The following NCALD variants were observed in gnomAD, a reference collection of about 807,000 sequenced individuals.
NCALD encodes the protein neurocalcin-delta.
NCALD carries 10 observed loss-of-function variants against 18.6 expected under a neutral mutation model. The observed-to-expected ratio is 0.54, with a 90% CI of 0.33 to 0.91. The LOEUF is 0.91. NCALD is among the 40% of genes least tolerant of loss of function. The pLI is 0.03. For missense variants in NCALD, 184 were observed against 247.6 expected (o/e 0.74, Z 1.72); for synonymous variants, 88 against 87.4 (o/e 1.01, Z -0.04).
At chr8:101,693,191 C>T in intron 2 of NCALD, 1 of 304,540 alleles carries the variant, frequency 3.3e-6, no homozygotes, top group South Asian at 3.2e-5. Context: ...CATTCTGTCA[C>T]CCAGGCTGGA....
intron 4 of NCALD, among the ~76,000 whole-genome samples, chr8:101,804,580 A>AATTATATAATATATAATTAATATAATTG (rs1563786493): frequency 4.2e-5 from 5 of 119,024 alleles, no homozygotes; most frequent in African/African-American, 9.9e-5. Context: ...TAATATAATT[A>AATTATATAATATATAATTAATATAATTG]ATTATATAAT....
intron 1 of NCALD, among the ~76,000 whole-genome samples, chr8:101,738,318 T>TGGATCACCTGAGGTCAAGAGTTCG (rs1279106386): frequency 2.6e-5 from 4 of 151,776 alleles, no homozygotes; most frequent in Non-Finnish European, 5.9e-5. Context: ...CCAAGGTGGG[T>TGGATCACCTGAGGTCAAGAGTTCG]GGATCACCTG....
intron 4 of NCALD, among the ~76,000 whole-genome samples, chr8:101,822,507 G>A (rs1009859631): frequency 6.6e-6 from 1 of 152,168 alleles, no homozygotes; most frequent in Non-Finnish European, 1.5e-5. Context: ...GATCCAAGCA[G>A]TGGGAGACAT....
chr8:102,023,828 G>T (rs1459712653), intron 1 of NCALD, among the ~76,000 whole-genome samples: 1 of 148,940 alleles, frequency 6.7e-6, no homozygotes, highest in African/African-American at 2.5e-5. Flanking sequence ...TCATCGTGGT[G>T]CCTTGACCCG....
intron 2 of NCALD, among the ~76,000 whole-genome samples, chr8:102,001,998 A>C (rs1165263313): frequency 6.6e-6 from 1 of 152,220 alleles, no homozygotes; most frequent in African/African-American, 2.4e-5. Flanking sequence ...CTAACATCAT[A>C]ATGACAGGAT....
At chr8:101,984,895 ATC>A (rs1319596852) in intron 2 of NCALD, among the ~76,000 whole-genome samples, 1 of 152,010 alleles carries the variant, frequency 6.6e-6, no homozygotes, top group African/African-American at 2.4e-5. Flanking sequence ...TCAACTTCCC[ATC>A]TCTGCTGAGA....
intron 4 of NCALD, among the ~76,000 whole-genome samples, chr8:101,863,787 G>A (rs1432890575): frequency 6.6e-6 from 1 of 152,200 alleles, no homozygotes; most frequent in Non-Finnish European, 1.5e-5. Context: ...CTCTGAGGCA[G>A]TGACATTTGA....
intron 1 of NCALD, among the ~76,000 whole-genome samples, chr8:101,759,940 T>C (rs1254932144): frequency 6.6e-6 from 1 of 152,076 alleles, no homozygotes; most frequent in Non-Finnish European, 1.5e-5. Context: ...AGTAGTTCAA[T>C]TAAGGGCAGT....
chr8:101,957,007 C>A (rs776313812), intron 2 of NCALD, among the ~76,000 whole-genome samples: 1 of 152,058 alleles, frequency 6.6e-6, no homozygotes, highest in African/African-American at 2.4e-5. Flanking sequence ...TAAATGAAAA[C>A]AGGAAAGGTT....
At chr8:102,056,054 G>T (rs1251885723) in intron 1 of NCALD, among the ~76,000 whole-genome samples, 2 of 152,170 alleles carry the variant, frequency 1.3e-5, no homozygotes, top group Admixed American at 6.5e-5. Context: ...TCTTCCAGAG[G>T]TCAGCCCGCC....
chr8:101,835,997 C>T (rs949592192), intron 4 of NCALD, among the ~76,000 whole-genome samples: 1 of 151,988 alleles, frequency 6.6e-6, no homozygotes, highest in East Asian at 1.9e-4. Flanking sequence ...TACTAGATGC[C>T]AGAATCACAC....
At chr8:101,929,285 G>C (rs1412957764) in intron 2 of NCALD, among the ~76,000 whole-genome samples, 1 of 42,378 alleles carries the variant, frequency 2.4e-5, no homozygotes, top group Non-Finnish European at 4.7e-5. Context: ...GGGAGGGAGG[G>C]AGGGAGGGAG....
At chr8:101,756,422 G>T (rs1563736046) in intron 1 of NCALD, among the ~76,000 whole-genome samples, 1 of 152,188 alleles carries the variant, frequency 6.6e-6, no homozygotes, top group Non-Finnish European at 1.5e-5. Context: ...TGCAACAATG[G>T]ATAGGCAATG....
At chr8:101,745,323 T>C (rs1187738502) in intron 1 of NCALD, among the ~76,000 whole-genome samples, 1 of 152,104 alleles carries the variant, frequency 6.6e-6, no homozygotes, top group Non-Finnish European at 1.5e-5. Context: ...TGAGCAGCAG[T>C]TTTCATTATG....
chr8:101,797,211 G>A (rs563849622), intron 4 of NCALD, among the ~76,000 whole-genome samples: 1 of 152,296 alleles, frequency 6.6e-6, no homozygotes, highest in South Asian at 2.1e-4. Context: ...AATTAACTGA[G>A]ACCTGTCTCA....
chr8:102,107,602 T>G (rs1254587386), intron 1 of NCALD, among the ~76,000 whole-genome samples: 1 of 152,160 alleles, frequency 6.6e-6, no homozygotes, highest in Non-Finnish European at 1.5e-5. Flanking sequence ...GACATTCTCA[T>G]GTGGGAATAA....
At chr8:101,987,657 C>T (rs900239259) in intron 2 of NCALD, among the ~76,000 whole-genome samples, 1 of 152,180 alleles carries the variant, frequency 6.6e-6, no homozygotes, top group African/African-American at 2.4e-5. Context: ...CAGCACCACC[C>T]CTGTCAGTAT....
rs570822063 is a variant in NCALD, at chr8:101,694,821, G to C, written c.379-1925C>G. Among the ~76,000 whole-genome samples, 297 of 152,228 alleles carry C rather than the reference G, an allele frequency of 2.0e-3. 1 individual carries two copies. Among genetic ancestry groups the C allele is most frequent in the African/African-American group, 6.4e-3 (266 of 41,524 alleles). On this transcript the variant is annotated intron_variant, in intron 2 of 3. Transcript: ENST00000220931. ...ACTGCCGGGGACACGTAAGTTCTTG[G>C]GGGAGCTAGGAAAGGCCGGAGAGAT... is the stretch of plus-strand genomic sequence containing the variant.
Position 102,027,656 on chromosome 8 carries a change from G to A in NCALD, c.-209-7367C>T, listed in dbSNP as rs533751777. Reference sequence around the variant, plus strand: ...CATTTTTGGGTATCTTTACAGCAGCGCCCTACACCCAGAACAAATTTACTG... The same window carrying A: ...CATTTTTGGGTATCTTTACAGCAGCACCCTACACCCAGAACAAATTTACTG... On this transcript the variant is annotated intron_variant, in intron 1 of 6. Coordinates refer to the NCALD transcript ENST00000311028. Among the ~76,000 whole-genome samples the A allele has an allele frequency of 7.9e-5, 12 of 152,120 alleles. 1 individual carries two copies. The highest frequency in any genetic ancestry group is 1.9e-4 in the East Asian group (1 of 5,180).
Sources: allele counts gnomAD v4.1 joint callset (sites outside exome capture counted in the v4.1 genomes callset), GRCh38; gene constraint gnomAD v4.1.1; transcripts MANE v1.5; gene names NCBI Gene and HGNC (gene_info 2026-07-23, HGNC 2026-07-21).